LIN7A: variants seen among roughly 807,000 people sequenced by gnomAD.
LIN7A encodes the protein protein lin-7 homolog A.
In LIN7A, 25 loss-of-function variants were observed where a neutral mutation model predicts 29.8. That is an observed-to-expected ratio of 0.84 (90% CI 0.61 to 1.17). The LOEUF (loss-of-function observed/expected upper bound fraction) is 1.17. LIN7A is among the 50% of genes most tolerant of loss of function. LIN7A has a pLI of 0.00. For missense variants in LIN7A, 239 were observed against 287.0 expected (o/e 0.83, Z 1.21); for synonymous variants, 118 against 107.5 (o/e 1.10, Z -0.60).
At chr12:80,802,851 C>T (rs1870787291) in intron 5 of LIN7A, among the ~76,000 whole-genome samples, 1 of 152,010 alleles carries the variant, frequency 6.6e-6, no homozygotes, top group African/African-American at 2.4e-5. Flanking sequence ...TGAGGTGAAA[C>T]CTCACTGTGG....
chr12:80,815,717 A>ACC (rs1326733372), intron 4 of LIN7A, among the ~76,000 whole-genome samples: 1 of 151,844 alleles, frequency 6.6e-6, no homozygotes, highest in African/African-American at 2.4e-5. Flanking sequence ...TTACAGTGAA[A>ACC]CCCCCTCCTC....
At chr12:80,867,512 G>T (rs1172615750) in intron 2 of LIN7A, among the ~76,000 whole-genome samples, 2 of 152,208 alleles carry the variant, frequency 1.3e-5, no homozygotes, top group African/African-American at 4.8e-5. Context: ...GAAAGAGACT[G>T]TTGATAGCAG....
intron 1 of LIN7A, among the ~76,000 whole-genome samples, chr12:80,926,958 A>G (rs1466411348): frequency 1.3e-5 from 2 of 149,242 alleles, no homozygotes; most frequent in African/African-American, 4.9e-5. Context: ...AAAAATTGAC[A>G]TTGGCGGCAT....
rs768748322 is a variant in LIN7A at position 80,937,745 on chromosome 12, A to G, written c.-23T>C. 5 of 1,427,370 alleles carry G rather than the reference A, an allele frequency of 3.5e-6. No homozygotes were observed. The highest frequency in any genetic ancestry group is 4.7e-6 in the Non-Finnish European group (5 of 1,070,196). 88.4% of individuals were successfully genotyped at this position (1,427,370 alleles called of 1,614,324 possible). On this transcript the variant is annotated 5_prime_UTR_variant, in exon 1 of 6. Transcript: ENST00000552864. ...CATCAGCAACCGCTCGTAGTGAGAA[A>G]AAAAGGAGGAGATTGGGGGCGGGGG...
Position 80,797,013 on chromosome 12 carries a change from T to C in LIN7A, c.*714A>G, listed in dbSNP as rs1382337224. Reference sequence around the variant, plus strand: ...CATTATACTCTGTTGGAATTAATAATAATAGATACAAGCAATAATTAAAAA... The same window carrying C: ...CATTATACTCTGTTGGAATTAATAACAATAGATACAAGCAATAATTAAAAA... On this transcript the variant is annotated 3_prime_UTR_variant, in exon 6 of 6. Transcript: ENST00000552864. 6.6e-6 allele frequency: 1 copy of C among 152,082 alleles called. No homozygotes were observed. The highest frequency in any genetic ancestry group is 1.5e-5 in the Non-Finnish European group (1 of 68,016). 9.4% of individuals were successfully genotyped at this position (152,082 alleles called of 1,614,324 possible).
At chr12:80,925,887 G>C (rs1433607797) in intron 1 of LIN7A, among the ~76,000 whole-genome samples, 2 of 152,144 alleles carry the variant, frequency 1.3e-5, no homozygotes, top group Admixed American at 1.3e-4. Flanking sequence ...TTGTAAAATA[G>C]GCATTAATAC....
chr12:80,821,499 T>C (rs1275237388), intron 4 of LIN7A, among the ~76,000 whole-genome samples: 1 of 152,208 alleles, frequency 6.6e-6, no homozygotes, highest in East Asian at 1.9e-4. Flanking sequence ...TGTCTTTATA[T>C]GGATGGCTGT....
intron 2 of LIN7A, among the ~76,000 whole-genome samples, chr12:80,882,287 C>CT (rs56000415): frequency 0.031 from 2,722 of 87,654 alleles, 804 homozygotes; most frequent in Middle Eastern, 0.12. Flanking sequence ...TTCTTTCATT[C>CT]TTTTTTTTTT....
chr12:80,902,003 T>C (rs1003614927), intron 1 of LIN7A, among the ~76,000 whole-genome samples: 1 of 152,030 alleles, frequency 6.6e-6, no homozygotes, highest in Non-Finnish European at 1.5e-5. Flanking sequence ...CAGGGCAGTA[T>C]AAAAGATTAT....
At chr12:80,879,060 A>G (rs1874879095) in intron 2 of LIN7A, among the ~76,000 whole-genome samples, 2 of 152,166 alleles carry the variant, frequency 1.3e-5, no homozygotes. Context: ...CCCCATTCAC[A>G]CAGTCTCACA....
At chr12:80,880,784 C>G (rs79973038) in intron 2 of LIN7A, among the ~76,000 whole-genome samples, 2 of 151,734 alleles carry the variant, frequency 1.3e-5, no homozygotes, top group Non-Finnish European at 2.9e-5. Flanking sequence ...CATACACACA[C>G]ACAGACACAC....
At chr12:80,894,821 T>C (rs1409742951) in intron 1 of LIN7A, among the ~76,000 whole-genome samples, 2 of 152,188 alleles carry the variant, frequency 1.3e-5, no homozygotes, top group Non-Finnish European at 2.9e-5. Flanking sequence ...TAGATCACCA[T>C]GTAAAATCCT....
chr12:80,874,170 G>A (rs1874568082), intron 2 of LIN7A, among the ~76,000 whole-genome samples: 1 of 152,100 alleles, frequency 6.6e-6, no homozygotes, highest in Non-Finnish European at 1.5e-5. Context: ...GGTAGTTTGG[G>A]ATAACAAGAT....
At chr12:80,933,409 G>T (rs1878026725) in intron 1 of LIN7A, among the ~76,000 whole-genome samples, 1 of 152,096 alleles carries the variant, frequency 6.6e-6, no homozygotes, top group Non-Finnish European at 1.5e-5. Flanking sequence ...TCTCCAGAAT[G>T]CTTTTCCTAA....
chr12:80,855,957 C>T (rs930404881), intron 2 of LIN7A, among the ~76,000 whole-genome samples: 3 of 152,078 alleles, frequency 2.0e-5, no homozygotes, highest in African/African-American at 7.2e-5. Flanking sequence ...TAAGCTATAG[C>T]TATCCATATA....
chr12:80,879,282 G>T (rs1170894224), intron 2 of LIN7A, among the ~76,000 whole-genome samples: 1 of 152,044 alleles, frequency 6.6e-6, no homozygotes, highest in Non-Finnish European at 1.5e-5. Flanking sequence ...GGGTGGGATA[G>T]AGAGGAGATA....
chr12:80,883,770 G>A (rs1875188393), intron 2 of LIN7A, among the ~76,000 whole-genome samples: 1 of 152,144 alleles, frequency 6.6e-6, no homozygotes, highest in Non-Finnish European at 1.5e-5. Context: ...GGGAAAAATA[G>A]GTAGCCAAGT....
chr12:80,816,925 T>A (rs1051927718), intron 4 of LIN7A, among the ~76,000 whole-genome samples: 3 of 152,184 alleles, frequency 2.0e-5, no homozygotes, highest in African/African-American at 4.8e-5. Context: ...CCTGCCACCA[T>A]GCCCAGCTAC....
At position 80,797,083 on chromosome 12, in the gene LIN7A, T is replaced by C. The variant is rs1870483336; in HGVS notation, c.*644A>G. ...ACACTTGCTTCTAACAAACTAAAAGTTGAGCTAAAATTGGTCCATTCTATT... is the reference window on the plus strand; with the variant it reads ...ACACTTGCTTCTAACAAACTAAAAGCTGAGCTAAAATTGGTCCATTCTATT... On this transcript the variant is annotated 3_prime_UTR_variant, in exon 6 of 6. Coordinates refer to ENST00000552864, the MANE Select transcript of LIN7A (RefSeq NM_004664.4). The C allele has an allele frequency of 6.6e-6, 1 of 152,080 alleles. No homozygotes were observed. The highest frequency in any genetic ancestry group is 2.4e-5 in the African/African-American group (1 of 41,408). 9.4% of individuals were successfully genotyped at this position (152,080 alleles called of 1,614,324 possible).
Sources: allele counts gnomAD v4.1 joint callset (sites outside exome capture counted in the v4.1 genomes callset), GRCh38; gene constraint gnomAD v4.1.1; transcripts MANE v1.5; gene names NCBI Gene and HGNC (gene_info 2026-07-23, HGNC 2026-07-21).